PPP6C: variants seen among roughly 807,000 people sequenced by gnomAD.
The protein encoded by PPP6C is serine/threonine-protein phosphatase 6 catalytic subunit.
PPP6C carries 11 observed loss-of-function variants against 39.8 expected under a neutral mutation model. That is an observed-to-expected ratio of 0.28 (90% confidence interval 0.17 to 0.46). The LOEUF is 0.46. Ranked by LOEUF, PPP6C falls within the 20% of genes least tolerant of loss-of-function variation. PPP6C has a pLI of 1.00. For synonymous variants in PPP6C, 129 were observed against 130.3 expected (o/e 0.99, Z 0.07); for missense variants, 211 against 373.9 (o/e 0.56, Z 3.59).
intron 2 of PPP6C, among the ~76,000 whole-genome samples, chr9:125,167,396 A>AAAAAAAAAAAAAAAAAG (rs1355880967): frequency 1.4e-5 from 2 of 143,526 alleles, no homozygotes; most frequent in Admixed American, 7.0e-5. Context: ...AAAAAAAAAA[A>AAAAAAAAAAAAAAAAAG]AAAGAAATAA....
rs993014043 is a variant in PPP6C, at chr9:125,147,427, T to C, written c.*2246A>G. 1.3e-5 allele frequency: 2 copies of C among 152,214 alleles called. No individual in the cohort carries two copies. The highest frequency in any genetic ancestry group is 2.4e-5 in the African/African-American group (1 of 41,464). The allele number at this position is 152,214 out of a possible 1,614,324, so 9.4% of individuals were successfully genotyped here. ...AACTCTATATAGTACATATAGTACA[T>C]AGCCCTTATTTATTGGAGGGATCCA... On this transcript the variant is annotated 3_prime_UTR_variant, in exon 7 of 7. Coordinates refer to ENST00000373547, the MANE Select transcript of PPP6C (RefSeq NM_002721.5).
intron 3 of PPP6C, among the ~76,000 whole-genome samples, chr9:125,160,314 C>A (rs1263519447): frequency 3.3e-5 from 5 of 152,156 alleles, no homozygotes; most frequent in Non-Finnish European, 7.4e-5. Context: ...TCTACAGTGG[C>A]TTACTAAGGC....
chr9:125,148,507 CTT>C lies in PPP6C; in HGVS notation c.*1164_*1165del, dbSNP rs1835861360. 1 of 149,124 alleles carries C rather than the reference CTT, an allele frequency of 6.7e-6. No homozygotes were observed. Among genetic ancestry groups the C allele is most frequent in the Admixed American group, 6.7e-5 (1 of 14,884 alleles). The allele number at this position is 149,124 out of a possible 1,614,324, so 9.2% of individuals were successfully genotyped here. A position where few individuals can be genotyped will look rare whatever the true frequency, so the allele number is the denominator to read the frequency against. ...CACAGACCTTTGCAAAAAAGAAGAACTTGTTTCTTTTTCTACACTTTAAATAA... is the reference window on the plus strand; with the variant it reads ...CACAGACCTTTGCAAAAAAGAAGAACGTTTCTTTTTCTACACTTTAAATAA... On this transcript the variant is annotated 3_prime_UTR_variant, in exon 7 of 7. Transcript: ENST00000373547.
At chr9:125,175,980 G>A (rs772436718) in intron 1 of PPP6C, among the ~76,000 whole-genome samples, 12 of 152,168 alleles carry the variant, frequency 7.9e-5, no homozygotes, top group Non-Finnish European at 1.8e-4. Context: ...AGGAAGTATA[G>A]AGCAAACAGA....
At chr9:125,177,394 T>C (rs1829325021) in intron 1 of PPP6C, among the ~76,000 whole-genome samples, 1 of 149,530 alleles carries the variant, frequency 6.7e-6, no homozygotes, top group South Asian at 2.1e-4. Context: ...ACAAAAAAAA[T>C]CTTAAAGTAC....
chr9:125,148,383 G>A lies in PPP6C; in HGVS notation c.*1290C>T, dbSNP rs1407071620. On this transcript the variant is annotated 3_prime_UTR_variant, in exon 7 of 7. Coordinates refer to ENST00000373547, the MANE Select transcript of PPP6C (RefSeq NM_002721.5). ...ATGACTACAGTCATAAGAGATACTG[G>A]AATACTTGTCCTTATTAAGTGGACA... 4 of 152,116 alleles carry A rather than the reference G, an allele frequency of 2.6e-5. No individual in the cohort carries two copies. Among genetic ancestry groups the A allele is most frequent in the Admixed American group, 1.3e-4 (2 of 15,272 alleles). The allele number at this position is 152,116 out of a possible 1,614,324, so 9.4% of individuals were successfully genotyped here. A position where few individuals can be genotyped will look rare whatever the true frequency, so the allele number is the denominator to read the frequency against.
chr9:125,179,767 T>C (rs868436184), intron 1 of PPP6C, among the ~76,000 whole-genome samples: 2 of 151,674 alleles, frequency 1.3e-5, no homozygotes, highest in Admixed American at 1.3e-4. Context: ...GCGATTCTCC[T>C]GCCTCAGCCT....
In PPP6C at chr9:125,148,251, GT is replaced by G. The variant is rs760396686; in HGVS notation, c.*1421del. ...CAAAACTACCTGAACAGATGCTAAA[GT>G]GCTTTATTAATTGGCTGGCTTCACA... On this transcript the variant is annotated 3_prime_UTR_variant, in exon 7 of 7. Coordinates refer to ENST00000373547, the MANE Select transcript of PPP6C (RefSeq NM_002721.5). 7.2e-5 allele frequency: 11 copies of G among 152,678 alleles called. No homozygotes were observed. Among genetic ancestry groups the G allele is most frequent in the Non-Finnish European group, 1.5e-4 (10 of 68,182 alleles). The allele number at this position is 152,678 out of a possible 1,614,324, so 9.5% of individuals were successfully genotyped here.
intron 1 of PPP6C, among the ~76,000 whole-genome samples, chr9:125,182,622 A>G (rs1308122988): frequency 6.6e-6 from 1 of 151,836 alleles, no homozygotes; most frequent in African/African-American, 2.4e-5. Context: ...CACGCTTATG[A>G]TCCAGAAGGT....
intron 1 of PPP6C, among the ~76,000 whole-genome samples, chr9:125,176,498 A>T (rs1445523025): frequency 6.6e-6 from 1 of 152,110 alleles, no homozygotes; most frequent in African/African-American, 2.4e-5. Context: ...CTCTACAAAA[A>T]ATACAAAAAC....
At position 125,188,986 on chromosome 9, in the gene PPP6C, T is replaced by C. The variant is rs749630643; in HGVS notation, c.75+658A>G. 3.4e-5 allele frequency: 50 copies of C among 1,475,726 alleles called. No individual in the cohort carries two copies. The African/African-American group carries it at 6.6e-4, about 19-fold the overall frequency. The allele number at this position is 1,475,726 out of a possible 1,614,324, so 91.4% of individuals were successfully genotyped here. A position where few individuals can be genotyped will look rare whatever the true frequency, so the allele number is the denominator to read the frequency against. On this transcript the variant is annotated intron_variant, in intron 1 of 6. Transcript: ENST00000373547. ...GGGTTAAGGAGAAAGTATTTGTATTTATTGAGAACCAACTACTTTATCCAC... is the reference window on the plus strand; with the variant it reads ...GGGTTAAGGAGAAAGTATTTGTATTCATTGAGAACCAACTACTTTATCCAC...
Position 125,165,010 on chromosome 9 carries a change from T to A in PPP6C, c.172-4104A>T, listed in dbSNP as rs1335586920. On this transcript the variant is annotated intron_variant, in intron 2 of 6. Transcript: ENST00000373547. ...CCTCGGCCTCCCACAGTGCTGGGAT[T>A]ACAGGCGTGAGCCACCGCGCCCGGC... 3.3e-5 allele frequency among the ~76,000 whole-genome samples: 5 copies of A among 152,048 alleles called. No individual in the cohort carries two copies. The East Asian group carries it at 9.7e-4, about 29-fold the overall frequency.
intron 4 of PPP6C, among the ~76,000 whole-genome samples, chr9:125,157,910 C>T (rs1260849690): frequency 1.3e-5 from 2 of 151,928 alleles, no homozygotes; most frequent in Admixed American, 6.6e-5. Flanking sequence ...AGGATGGTCT[C>T]GATCTCCTGA....
Position 125,189,669 on chromosome 9 carries a change from T to A in PPP6C, c.50A>T (p.Lys17Met). ...CTTCAGGTCGTTCTCTGGCAGGTAC[T>A]TGCACAGCCGCGCTATTTCCACATA... ...DKYVEIARLC[K>M]YLPENDLKRL... The change falls in exon 1 of 7, where the codon AAG becomes ATG. Residue 17 changes from lysine to methionine, a missense_variant. By Grantham distance (95) the Lys-to-Met change is moderately conservative. This residue lies in a region of PPP6C where 43 missense variants were observed against 31.3 expected (regional missense o/e 1.38). Coordinates refer to ENST00000373547, the MANE Select transcript of PPP6C (RefSeq NM_002721.5). The A allele has an allele frequency of 6.2e-7, 1 of 1,612,714 alleles. No homozygotes were observed. Among genetic ancestry groups the A allele is most frequent in the Non-Finnish European group, 8.5e-7 (1 of 1,179,500 alleles).
chr9:125,168,914 C>A (rs188305935), intron 2 of PPP6C, among the ~76,000 whole-genome samples: 1 of 152,242 alleles, frequency 6.6e-6, no homozygotes, highest in Non-Finnish European at 1.5e-5. Context: ...GCACGCACCA[C>A]CACACCTGGC....
At chr9:125,182,292 C>T (rs974783866) in intron 1 of PPP6C, among the ~76,000 whole-genome samples, 1 of 152,114 alleles carries the variant, frequency 6.6e-6, no homozygotes, top group African/African-American at 2.4e-5. Flanking sequence ...AAACATACTA[C>T]TTCCTTTATC....
At chr9:125,184,450 T>G (rs114041946) in intron 1 of PPP6C, among the ~76,000 whole-genome samples, 147 of 151,768 alleles carry the variant, frequency 9.7e-4, no homozygotes, top group African/African-American at 3.5e-3. Context: ...CCAGCTACTT[T>G]TGAGGCTGAG....
Position 125,185,842 on chromosome 9 carries a change from G to A in PPP6C, c.75+3802C>T, listed in dbSNP as rs570372207. On this transcript the variant is annotated intron_variant, in intron 1 of 6. Coordinates refer to ENST00000373547, the MANE Select transcript of PPP6C (RefSeq NM_002721.5). ...TCTACTAAAAATACAAAATTAACTGGGCGTGGTGGCACATGCCTGTAATCA... is the reference window on the plus strand; with the variant it reads ...TCTACTAAAAATACAAAATTAACTGAGCGTGGTGGCACATGCCTGTAATCA... Among the ~76,000 whole-genome samples, 70 of 151,182 alleles carry A rather than the reference G, an allele frequency of 4.6e-4. 1 individual carries two copies. The highest frequency in any genetic ancestry group is 3.8e-4 in the Non-Finnish European group (26 of 67,950).
intron 1 of PPP6C, among the ~76,000 whole-genome samples, chr9:125,171,412 T>A (rs1829144772): frequency 7.3e-6 from 1 of 137,694 alleles, no homozygotes; most frequent in East Asian, 2.1e-4. Context: ...ACAGACAGCT[T>A]TACAAGAACT....
Sources: allele counts gnomAD v4.1 joint callset (sites outside exome capture counted in the v4.1 genomes callset), GRCh38; gene constraint gnomAD v4.1.1; regional missense constraint gnomAD v4.1.1; transcripts MANE v1.5; gene names NCBI Gene and HGNC (gene_info 2026-07-23, HGNC 2026-07-21).